The following CA10 variants were observed in gnomAD, a reference collection of about 807,000 sequenced individuals.
CA10 encodes carbonic anhydrase-related protein 10.
Under a neutral mutation model 44.2 loss-of-function variants are expected in CA10, and 14 were observed. The ratio of observed to expected loss-of-function variants is 0.32; its 90% confidence interval spans 0.21 to 0.50. CA10 has a LOEUF of 0.50. CA10 is among the 20% of genes least tolerant of loss of function. CA10 has a pLI of 0.99. For synonymous variants in CA10, 159 were observed against 141.6 expected (o/e 1.12, Z -0.87); for missense variants, 350 against 409.7 (o/e 0.85, Z 1.26).
chr17:51,833,466 C>T (rs1908358634), intron 3 of CA10, among the ~76,000 whole-genome samples: 1 of 152,220 alleles, frequency 6.6e-6, no homozygotes, highest in Non-Finnish European at 1.5e-5. Flanking sequence ...AATACTCTTT[C>T]AAAGTGGGCC....
intron 2 of CA10, among the ~76,000 whole-genome samples, chr17:52,015,475 C>A (rs1985939350): frequency 6.6e-6 from 1 of 152,044 alleles, no homozygotes; most frequent in Admixed American, 6.6e-5. Context: ...AAAATATGAA[C>A]AAATCCTAAG....
At chr17:51,847,594 G>A (rs1327902909) in intron 3 of CA10, among the ~76,000 whole-genome samples, 1 of 152,128 alleles carries the variant, frequency 6.6e-6, no homozygotes, top group Non-Finnish European at 1.5e-5. Context: ...ACAATTGTGA[G>A]CACCTTACAA....
chr17:51,656,181 T>A (rs538563166), intron 4 of CA10, among the ~76,000 whole-genome samples: 32 of 152,370 alleles, frequency 2.1e-4, no homozygotes, highest in Admixed American at 5.2e-4. Flanking sequence ...TGCCAGTGCT[T>A]CCAGACATGC....
In CA10 at chr17:52,122,857, C is replaced by G. The variant is rs145870595; in HGVS notation, c.61+34869G>C. 8.9e-4 allele frequency among the ~76,000 whole-genome samples: 136 copies of G among 152,300 alleles called. No individual in the cohort carries two copies. In the Middle Eastern group the frequency reaches 0.01, roughly 11 times the overall value. On this transcript the variant is annotated intron_variant, in intron 1 of 8. Transcript: ENST00000451037. ...TTCTGCTGTATGTTGGGTTTAGTTT[C>G]ACAAACAAGGTCCTTTTAGATCAGT...
chr17:51,959,179 A>G (rs1983774776), intron 2 of CA10, among the ~76,000 whole-genome samples: 1 of 151,420 alleles, frequency 6.6e-6, no homozygotes. Flanking sequence ...AGCAGCAGCT[A>G]TGCATACACC....
chr17:52,027,117 C>A (rs1230425158), intron 2 of CA10, among the ~76,000 whole-genome samples: 3 of 151,994 alleles, frequency 2.0e-5, no homozygotes, highest in Non-Finnish European at 4.4e-5. Context: ...AGTGACAGGT[C>A]ATCAGGCATT....
intron 2 of CA10, among the ~76,000 whole-genome samples, chr17:52,049,813 G>A (rs545273844): frequency 1.9e-3 from 288 of 152,180 alleles, no homozygotes; most frequent in African/African-American, 6.8e-3. Flanking sequence ...AGATGTTTCA[G>A]TCAGTGGTGG....
chr17:52,077,423 A>G (rs951211626), intron 1 of CA10, among the ~76,000 whole-genome samples: 15 of 152,112 alleles, frequency 9.9e-5, no homozygotes, highest in African/African-American at 3.4e-4. Context: ...AGCCCATACT[A>G]TTTCTGTGCC....
intron 2 of CA10, among the ~76,000 whole-genome samples, chr17:52,022,680 T>G (rs771389270): frequency 6.6e-6 from 1 of 152,086 alleles, no homozygotes; most frequent in African/African-American, 2.4e-5. Flanking sequence ...CTTTCTTTGC[T>G]GATGACATGA....
chr17:51,867,181 G>T (rs985974786), intron 3 of CA10, among the ~76,000 whole-genome samples: 8 of 152,162 alleles, frequency 5.3e-5, no homozygotes, highest in Non-Finnish European at 1.0e-4. Flanking sequence ...ATAACACTGG[G>T]CAGTGATGCA....
At chr17:52,110,480 C>A (rs985501638) in intron 1 of CA10, among the ~76,000 whole-genome samples, 1 of 152,164 alleles carries the variant, frequency 6.6e-6, no homozygotes, top group Admixed American at 6.5e-5. Context: ...CAATGCTTGC[C>A]CCTAGCAATT....
chr17:52,021,535 G>T (rs564689071), intron 2 of CA10, among the ~76,000 whole-genome samples: 3 of 151,770 alleles, frequency 2.0e-5, no homozygotes, highest in Non-Finnish European at 4.4e-5. Flanking sequence ...ACTTTGATTT[G>T]CATTTCTCTG....
chr17:51,887,201 A>G (rs9909132), intron 3 of CA10, among the ~76,000 whole-genome samples: 1 of 150,582 alleles, frequency 6.6e-6, no homozygotes, highest in Non-Finnish European at 1.5e-5. Context: ...AAAAAAAAAA[A>G]CCCACAAGTC....
chr17:51,845,300 G>GCTCACTCTCTCTTGGATCT (rs1978442630), intron 3 of CA10, among the ~76,000 whole-genome samples: 1 of 152,188 alleles, frequency 6.6e-6, no homozygotes, highest in Non-Finnish European at 1.5e-5. Context: ...CTTTCTCTGT[G>GCTCACTCTCTCTTGGATCT]CTCACTCTCT....
At chr17:51,865,669 G>C (rs1490774688) in intron 3 of CA10, among the ~76,000 whole-genome samples, 1 of 152,198 alleles carries the variant, frequency 6.6e-6, no homozygotes, top group Non-Finnish European at 1.5e-5. Context: ...TCCAATTTCA[G>C]AAATGAGAAG....
At chr17:51,874,461 A>C (rs1176532134) in intron 3 of CA10, among the ~76,000 whole-genome samples, 1 of 152,020 alleles carries the variant, frequency 6.6e-6, no homozygotes, top group Admixed American at 6.6e-5. Context: ...AGTCATTTTC[A>C]AATTTGTTTC....
intron 6 of CA10, among the ~76,000 whole-genome samples, chr17:51,638,539 C>T (rs80314763): frequency 0.017 from 2,605 of 152,308 alleles, 36 homozygotes; most frequent in Non-Finnish European, 0.025. Flanking sequence ...AGGGCACACA[C>T]GACGTGAGGG....
chr17:51,772,538 TTCCAAATGGGAATGA>T (rs746209955), intron 3 of CA10, among the ~76,000 whole-genome samples: 27 of 152,120 alleles, frequency 1.8e-4, no homozygotes, highest in Non-Finnish European at 3.4e-4. Flanking sequence ...CTGGAGGAAT[TTCCAAATGGGAATGA>T]TGGAAAGACA....
chr17:52,149,399 G>GTAGAGTA (rs1989655870), intron 1 of CA10, among the ~76,000 whole-genome samples: 3 of 152,176 alleles, frequency 2.0e-5, no homozygotes, highest in Non-Finnish European at 2.9e-5. Context: ...CTGCCATCCT[G>GTAGAGTA]ATGGCCCAGT....
Sources: allele counts gnomAD v4.1 joint callset (sites outside exome capture counted in the v4.1 genomes callset), GRCh38; gene constraint gnomAD v4.1.1; transcripts MANE v1.5; gene names NCBI Gene and HGNC (gene_info 2026-07-23, HGNC 2026-07-21).